The following GPC6 variants were observed in gnomAD, a reference collection of about 807,000 sequenced individuals.
GPC6 encodes the protein glypican-6.
A neutral mutation model predicts 55.2 loss-of-function variants in GPC6; 14 were observed. The observed-to-expected ratio is 0.25, with a 90% confidence interval of 0.17 to 0.40. The LOEUF is 0.40. GPC6 is among the 10% of genes least tolerant of loss of function. GPC6 has a pLI of 1.00. For synonymous variants in GPC6, 278 were observed against 259.6 expected (o/e 1.07, Z -0.68); for missense variants, 641 against 708.5 (o/e 0.90, Z 1.08).
intron 2 of GPC6, among the ~76,000 whole-genome samples, chr13:93,709,136 T>G (rs902851004): frequency 2.0e-5 from 3 of 151,872 alleles, no homozygotes. Context: ...ACTTATTATA[T>G]TACTAAAGCA....
chr13:93,216,849 C>T, the GPC6 span, among the ~76,000 whole-genome samples: 1 of 152,098 alleles, frequency 6.6e-6, no homozygotes, highest in Non-Finnish European at 1.5e-5. Context: ...TGAAATAGAA[C>T]TCAAATTCTG....
At chr13:93,428,469 C>G (rs1417330960) in intron 1 of GPC6, among the ~76,000 whole-genome samples, 1 of 152,128 alleles carries the variant, frequency 6.6e-6, no homozygotes, top group Non-Finnish European at 1.5e-5. Flanking sequence ...AATCTATTTT[C>G]TCTCCATTAG....
chr13:93,658,346 A>G (rs1436779987), intron 2 of GPC6, among the ~76,000 whole-genome samples: 1 of 151,964 alleles, frequency 6.6e-6, no homozygotes, highest in East Asian at 1.9e-4. Context: ...GCTGTATATG[A>G]CATTATTTTG....
At chr13:93,667,776 C>G (rs1229115705) in intron 2 of GPC6, among the ~76,000 whole-genome samples, 1 of 115,418 alleles carries the variant, frequency 8.7e-6, no homozygotes, top group Non-Finnish European at 1.7e-5. Context: ...TGATCATTTT[C>G]TGAGCATTTC....
chr13:93,714,359 A>G (rs993888169), intron 2 of GPC6, among the ~76,000 whole-genome samples: 7 of 151,962 alleles, frequency 4.6e-5, no homozygotes, highest in Non-Finnish European at 1.5e-5. Context: ...TCATCAGAGT[A>G]CTGCACATCA....
intron 2 of GPC6, among the ~76,000 whole-genome samples, chr13:93,734,524 A>G (rs552060926): frequency 1.2e-4 from 19 of 152,302 alleles, no homozygotes; most frequent in Admixed American, 2.6e-4. Flanking sequence ...AAATTCAGAA[A>G]TTTTAATTTG....
intron 1 of GPC6, among the ~76,000 whole-genome samples, chr13:93,420,559 A>AT (rs1876887844): frequency 6.6e-6 from 1 of 152,162 alleles, no homozygotes; most frequent in African/African-American, 2.4e-5. Flanking sequence ...AGACTATGAT[A>AT]TGGAATTTGG....
chr13:93,895,498 G>T (rs1445656264), intron 3 of GPC6, among the ~76,000 whole-genome samples: 1 of 151,646 alleles, frequency 6.6e-6, no homozygotes, highest in African/African-American at 2.4e-5. Context: ...ATTGATTCAA[G>T]TAAAAAGAAG....
At chr13:94,202,917 C>T (rs1325061405) in intron 4 of GPC6, among the ~76,000 whole-genome samples, 2 of 152,040 alleles carry the variant, frequency 1.3e-5, no homozygotes, top group African/African-American at 2.4e-5. Flanking sequence ...GGAAATCAAA[C>T]TAGAACTCTC....
chr13:94,397,091 G>T (rs915775114), intron 7 of GPC6, among the ~76,000 whole-genome samples: 1 of 152,244 alleles, frequency 6.6e-6, no homozygotes, highest in Admixed American at 6.5e-5. Context: ...TTAAAGAGAA[G>T]GGTGATATGA....
At chr13:93,243,593 G>T (rs1258801079) in intron 1 of GPC6, among the ~76,000 whole-genome samples, 1 of 152,196 alleles carries the variant, frequency 6.6e-6, no homozygotes, top group African/African-American at 2.4e-5. Flanking sequence ...GGTGGCAGGG[G>T]AGTGGTGTGG....
chr13:93,608,068 T>C (rs774133925), intron 2 of GPC6, among the ~76,000 whole-genome samples: 3 of 152,144 alleles, frequency 2.0e-5, no homozygotes, highest in Admixed American at 6.5e-5. Context: ...TATGGCATTG[T>C]ATATTTTATT....
At chr13:94,395,151 G>A (rs1261293392) in intron 7 of GPC6, among the ~76,000 whole-genome samples, 1 of 152,186 alleles carries the variant, frequency 6.6e-6, no homozygotes, top group East Asian at 1.9e-4. Flanking sequence ...ATTAGGTAGA[G>A]CTCACGGAGC....
At chr13:93,815,664 T>C (rs1886822859) in intron 2 of GPC6, among the ~76,000 whole-genome samples, 1 of 152,220 alleles carries the variant, frequency 6.6e-6, no homozygotes, top group South Asian at 2.1e-4. Flanking sequence ...CAAAATAAAT[T>C]TAATCAATGT....
chr13:93,546,744 C>G (rs189920889), intron 2 of GPC6, among the ~76,000 whole-genome samples: 10 of 152,284 alleles, frequency 6.6e-5, no homozygotes, highest in African/African-American at 2.4e-4. Flanking sequence ...GAGGACTACA[C>G]TCTATCACTT....
chr13:93,733,679 A>C (rs1883905137), intron 2 of GPC6, among the ~76,000 whole-genome samples: 1 of 152,112 alleles, frequency 6.6e-6, no homozygotes, highest in Admixed American at 6.6e-5. Flanking sequence ...TGGTACCATT[A>C]AGTTCAGTTA....
At chr13:93,970,800 A>G (rs543218759) in intron 3 of GPC6, among the ~76,000 whole-genome samples, 1 of 152,290 alleles carries the variant, frequency 6.6e-6, no homozygotes, top group African/African-American at 2.4e-5. Flanking sequence ...TGTAATGTTC[A>G]AGTTACAGAG....
chr13:94,323,806 A>AT (rs2139132753), intron 6 of GPC6, among the ~76,000 whole-genome samples: 1 of 152,306 alleles, frequency 6.6e-6, no homozygotes, highest in African/African-American at 2.4e-5. Flanking sequence ...TTTCAAGTAG[A>AT]TTTTTTAAAA....
chr13:93,917,850 G>A (rs1024809975), intron 3 of GPC6, among the ~76,000 whole-genome samples: 5 of 152,178 alleles, frequency 3.3e-5, no homozygotes, highest in Non-Finnish European at 1.5e-5. Flanking sequence ...TGTAATCCCA[G>A]CACTTTGGGA....
Sources: gnomAD v4.1 joint callset for allele counts (sites outside exome capture counted in the v4.1 genomes callset) on GRCh38, gnomAD v4.1.1 for gene constraint, MANE v1.5 for transcripts, NCBI Gene and HGNC (gene_info 2026-07-23, HGNC 2026-07-21) for gene names.